The following CALCR variants were observed in gnomAD, a reference collection of about 807,000 sequenced individuals.
CALCR encodes calcitonin receptor.
CALCR carries 47 observed loss-of-function variants against 59.5 expected under a neutral mutation model. The ratio of observed to expected loss-of-function variants is 0.79; its 90% CI spans 0.63 to 1.01. The LOEUF (loss-of-function observed/expected upper bound fraction) is 1.01, where lower values mean the gene tolerates loss of function less well. CALCR is among the 50% of genes least tolerant of loss of function. The probability of loss-of-function intolerance (pLI) is 0.00; values close to 1 mark genes in which losing one functional copy is unlikely to be tolerated. For missense variants in CALCR, 566 were observed against 597.1 expected, an observed-to-expected ratio of 0.95 and a Z score of 0.54; for synonymous variants, 213 against 211.3, an observed-to-expected ratio of 1.01 and a Z score of -0.07.
At chr7:93,468,291 C>T (rs550090473) in intron 7 of CALCR, among the ~76,000 whole-genome samples, 2 of 151,820 alleles carry the variant, frequency 1.3e-5, no homozygotes, top group South Asian at 4.1e-4. Context: ...CTTACATATG[C>T]TAGCAAGAAA....
At chr7:93,495,844 T>C (rs369358435) in intron 2 of CALCR, 1 of 1,378,474 alleles carries the variant, frequency 7.3e-7, no homozygotes, top group Admixed American at 2.1e-5. Flanking sequence ...TTGTAAGAGG[T>C]TCAGTTACTG....
At chr7:93,473,978 T>C (rs1170922501) in intron 5 of CALCR, among the ~76,000 whole-genome samples, 1 of 151,714 alleles carries the variant, frequency 6.6e-6, no homozygotes, top group Non-Finnish European at 1.5e-5. Flanking sequence ...CTCATGGGGA[T>C]GACTCATATC....
chr7:93,519,924 G>A (rs1801726018), intron 2 of CALCR, among the ~76,000 whole-genome samples: 1 of 151,950 alleles, frequency 6.6e-6, no homozygotes, highest in African/African-American at 2.4e-5. Flanking sequence ...ATGTGGAATG[G>A]TGAGTCAATT....
intron 2 of CALCR, among the ~76,000 whole-genome samples, chr7:93,567,964 G>A (rs1301299398): frequency 6.6e-6 from 1 of 152,036 alleles, no homozygotes; most frequent in African/African-American, 2.4e-5. Context: ...TATTATTGAG[G>A]GCAGGGGCTT....
rs761006097 is a variant in CALCR at position 93,435,958 on chromosome 7, A to G, written c.1143T>C (p.His381=). Residue 381 remains histidine, a synonymous_variant, in exon 12 of 14, where the codon CAT becomes CAC. Transcript: ENST00000426151. ...IYDYVMHSLI[H]FQGFFVATIY... ...ACACCTTTGGCTTCCTTACCTGGAA[A>G]TGAATCAGAGAGTGCATCACGTAAT... The G allele has an allele frequency of 7.5e-6, 12 of 1,604,118 alleles. No homozygotes were observed. The highest frequency in any genetic ancestry group is 4.3e-6 in the Non-Finnish European group (5 of 1,170,994).
chr7:93,496,968 A>G (rs1801217160), intron 2 of CALCR, among the ~76,000 whole-genome samples: 1 of 151,562 alleles, frequency 6.6e-6, no homozygotes, highest in Non-Finnish European at 1.5e-5. Flanking sequence ...TACAGGAACT[A>G]ACTTGCCAAG....
In CALCR at chr7:93,479,354, C is replaced by A; in HGVS notation, c.205G>T (p.Gly69Cys). Residue 69 changes from glycine (G) to cysteine (C), a missense_variant and splice_region_variant, in exon 4 of 14, where the codon GGT becomes TGT. Physicochemically the swap from Gly to Cys is radical, Grantham distance 159 (BLOSUM62 -3). Transcript: ENST00000426151. ...MQQLPAYQGE[G>C]PYCNRTWDGW... is the part of the protein sequence containing the mutation. ...TGTTCATATATATCCTTCTCTTTAC[C>A]TTCTCCTTGGTATGCGGGTAACTGC... 1 of 1,603,978 alleles carries A rather than the reference C, an allele frequency of 6.2e-7. No individual in the cohort carries two copies.
Position 93,479,493 on chromosome 7 carries a change from A to C in CALCR, c.66T>G (p.Ile22Met), listed in dbSNP as rs747749988. 6.2e-7 allele frequency: 1 copy of C among 1,612,224 alleles called. No individual in the cohort carries two copies. The highest frequency in any genetic ancestry group is 1.7e-5 in the Admixed American group (1 of 59,816). The change falls in exon 4 of 14, where the codon ATT becomes ATG. Residue 22 changes from isoleucine (I) to methionine (M), a missense_variant. By Grantham distance (10) the Ile-to-Met change is conservative. Transcript: ENST00000426151. The stretch of plus-strand genomic sequence containing the variant: ...AGGTTTGATTTGAAAAGGCAGGAAG[A>C]ATTGGGGTTGGGTGCTGTATTAAAA... ...LFLLLNHPTP[I>M]LPAFSNQTYP...
chr7:93,506,904 A>G (rs1801436940), intron 2 of CALCR, among the ~76,000 whole-genome samples: 2 of 152,148 alleles, frequency 1.3e-5, no homozygotes, highest in African/African-American at 4.8e-5. Context: ...TTCTCATAAT[A>G]ATGAATAAGT....
chr7:93,515,799 C>T (rs977846152), intron 2 of CALCR, among the ~76,000 whole-genome samples: 11 of 151,808 alleles, frequency 7.2e-5, no homozygotes, highest in Non-Finnish European at 1.2e-4. Context: ...AATTTTGAGT[C>T]AAAAAGTGAT....
intron 2 of CALCR, among the ~76,000 whole-genome samples, chr7:93,502,033 C>T (rs1197225074): frequency 1.3e-5 from 2 of 152,052 alleles, no homozygotes; most frequent in Non-Finnish European, 2.9e-5. Flanking sequence ...TATCAAGAAA[C>T]TCTGTCTGTT....
intron 5 of CALCR, among the ~76,000 whole-genome samples, chr7:93,474,784 T>C (rs1387547016): frequency 6.6e-6 from 1 of 151,804 alleles, no homozygotes; most frequent in African/African-American, 2.4e-5. Context: ...TCTTTGATCA[T>C]TTCTCAGGGA....
intron 8 of CALCR, among the ~76,000 whole-genome samples, chr7:93,460,566 A>ATATATAT (rs1399357588): frequency 2.4e-5 from 2 of 82,300 alleles, no homozygotes; most frequent in African/African-American, 2.0e-4. Context: ...AAAAAAAAAA[A>ATATATAT]AAAAAAATAT....
intron 2 of CALCR, among the ~76,000 whole-genome samples, chr7:93,565,006 A>G (rs536067375): frequency 2.0e-5 from 3 of 152,290 alleles, no homozygotes; most frequent in African/African-American, 7.2e-5. Context: ...GGGACATGAG[A>G]GACAAGTTCT....
chr7:93,513,070 C>A (rs1443283545), intron 2 of CALCR, among the ~76,000 whole-genome samples: 1 of 152,136 alleles, frequency 6.6e-6, no homozygotes, highest in Non-Finnish European at 1.5e-5. Flanking sequence ...AATACAGACA[C>A]AGAGCTGCTG....
At chr7:93,428,047 G>T (rs969620769) in intron 13 of CALCR, among the ~76,000 whole-genome samples, 1 of 152,012 alleles carries the variant, frequency 6.6e-6, no homozygotes, top group African/African-American at 2.4e-5. Flanking sequence ...TTGCATGAAG[G>T]GTACTTTATA....
intron 2 of CALCR, among the ~76,000 whole-genome samples, chr7:93,490,210 C>G (rs934429397): frequency 6.6e-6 from 1 of 151,842 alleles, no homozygotes; most frequent in Non-Finnish European, 1.5e-5. Context: ...AGGCAACATC[C>G]CTTTATGTTA....
At chr7:93,530,737 C>T (rs1280907151) in intron 2 of CALCR, among the ~76,000 whole-genome samples, 1 of 152,118 alleles carries the variant, frequency 6.6e-6, no homozygotes, top group Non-Finnish European at 1.5e-5. Context: ...CCTGTCAATA[C>T]TCCAGCCTTA....
At chr7:93,509,296 C>G (rs73711690) in intron 2 of CALCR, among the ~76,000 whole-genome samples, 1 of 152,130 alleles carries the variant, frequency 6.6e-6, no homozygotes, top group Non-Finnish European at 1.5e-5. Context: ...ATTTAAGGAG[C>G]CACCTTCTCC....
Sources: gnomAD v4.1 joint callset for allele counts (sites outside exome capture counted in the v4.1 genomes callset) on GRCh38, gnomAD v4.1.1 for gene constraint, MANE v1.5 for transcripts, NCBI Gene and HGNC (gene_info 2026-07-23, HGNC 2026-07-21) for gene names.